The following VDAC2 variants were observed in gnomAD, a reference collection of about 807,000 sequenced individuals.
VDAC2 encodes voltage dependent anion channel 2, also known as non-selective voltage-gated ion channel VDAC2.
VDAC2 carries 6 observed loss-of-function variants against 36.6 expected under a neutral mutation model. The ratio of observed to expected loss-of-function variants is 0.16; its 90% CI spans 0.09 to 0.32. The LOEUF is 0.32. VDAC2 is among the 10% of genes least tolerant of loss of function. The pLI is 1.00. For synonymous variants in VDAC2, 109 were observed against 123.8 expected (o/e 0.88, Z 0.79); for missense variants, 247 against 346.0 (o/e 0.71, Z 2.27).
At chr10:75,216,531 C>T (rs1321712979) in intron 4 of VDAC2, among the ~76,000 whole-genome samples, 1 of 152,216 alleles carries the variant, frequency 6.6e-6, no homozygotes, top group Admixed American at 6.5e-5. Context: ...AGATAAGTCC[C>T]ATTAATACCT....
At chr10:75,218,012 T>G (rs949191958) in intron 4 of VDAC2, 1 of 1,161,600 alleles carries the variant, frequency 8.6e-7, no homozygotes, top group Non-Finnish European at 1.1e-6. Flanking sequence ...CACTTGAGCC[T>G]GGGAGGTTGA....
intron 8 of VDAC2, among the ~76,000 whole-genome samples, chr10:75,226,450 G>A (rs528206598): frequency 1.6e-5 from 2 of 128,426 alleles, no homozygotes; most frequent in Non-Finnish European, 3.1e-5. Context: ...GTCTTTTGTG[G>A]GTTTTTTTTT....
At chr10:75,211,781 GGGTGTT>G in intron 2 of VDAC2, 1 of 1,268,490 alleles carries the variant, frequency 7.9e-7, no homozygotes, top group South Asian at 1.4e-5. Flanking sequence ...TCCCACTCCA[GGGTGTT>G]GGTTTTCCCC....
intron 2 of VDAC2, chr10:75,211,519 C>G: frequency 6.5e-7 from 1 of 1,545,298 alleles, no homozygotes; most frequent in Non-Finnish European, 8.7e-7. Flanking sequence ...AGTAGCAGTC[C>G]CTCTTGTGAG....
intron 8 of VDAC2, among the ~76,000 whole-genome samples, chr10:75,226,859 G>A (rs1009764670): frequency 2.6e-4 from 39 of 152,186 alleles, no homozygotes; most frequent in Non-Finnish European, 2.9e-5. Flanking sequence ...ATGGTAGGGG[G>A]TGCTGGTTGC....
chr10:75,211,123 C>G lies in VDAC2; in HGVS notation c.-25-11C>G, dbSNP rs1181834241. 1.2e-6 allele frequency: 2 copies of G among 1,604,244 alleles called. No homozygotes were observed. ...GACCCCAGCTTACCGCACTTCTTGT[C>G]CCTCCCGCAGATTCCCCTCTTCCCG... On this transcript the variant is annotated splice_polypyrimidine_tract_variant and intron_variant, in intron 1 of 9. Coordinates refer to ENST00000332211, the MANE Select transcript of VDAC2 (RefSeq NM_001391963.1).
chr10:75,223,277 C>T (rs983444472), intron 8 of VDAC2, among the ~76,000 whole-genome samples: 1 of 152,120 alleles, frequency 6.6e-6, no homozygotes, highest in Non-Finnish European at 1.5e-5. Context: ...CACAGCTGGC[C>T]GCCTTCTCCA....
chr10:75,218,779 A>C (rs998193373), intron 4 of VDAC2, among the ~76,000 whole-genome samples: 4 of 151,918 alleles, frequency 2.6e-5, no homozygotes, highest in Admixed American at 2.0e-4. Flanking sequence ...AAAAAGGTGT[A>C]CAGTTTGTTC....
At chr10:75,226,455 T>G (rs376377717) in intron 8 of VDAC2, among the ~76,000 whole-genome samples, 9 of 142,438 alleles carry the variant, frequency 6.3e-5, no homozygotes, top group African/African-American at 2.3e-4. Context: ...TTGTGGGTTT[T>G]TTTTTTTTTT....
chr10:75,219,459 TGTG>T, intron 6 of VDAC2, 103 bp downstream of exon 6: 2 of 952,726 alleles, frequency 2.1e-6, no homozygotes, highest in Non-Finnish European at 3.1e-6. Context: ...TAAGCTACCT[TGTG>T]GTGGTGAAAT....
At chr10:75,228,157 G>C (rs1482061890) in intron 8 of VDAC2, among the ~76,000 whole-genome samples, 1 of 152,060 alleles carries the variant, frequency 6.6e-6, no homozygotes, top group Admixed American at 6.5e-5. Flanking sequence ...GCCTCCCAAA[G>C]TGCTGGGATT....
intron 7 of VDAC2, among the ~76,000 whole-genome samples, chr10:75,221,965 A>G (rs1841826422): frequency 6.6e-6 from 1 of 152,242 alleles, no homozygotes; most frequent in Admixed American, 6.5e-5. Flanking sequence ...GTGTGTATAT[A>G]TACTTATATA....
At chr10:75,217,694 G>A (rs1841649248) in intron 4 of VDAC2, among the ~76,000 whole-genome samples, 2 of 152,144 alleles carry the variant, frequency 1.3e-5, no homozygotes, top group African/African-American at 4.8e-5. Flanking sequence ...GTGCTTTTTA[G>A]TATAGGTATT....
intron 8 of VDAC2, among the ~76,000 whole-genome samples, chr10:75,223,147 A>AT (rs1202033900): frequency 6.6e-5 from 10 of 151,346 alleles, no homozygotes; most frequent in African/African-American, 1.9e-4. Flanking sequence ...CACCTGGCTA[A>AT]TTTTTTTGTA....
chr10:75,217,566 C>T (rs1316162505), intron 4 of VDAC2, among the ~76,000 whole-genome samples: 5 of 152,118 alleles, frequency 3.3e-5, no homozygotes, highest in Admixed American at 1.3e-4. Context: ...TTAGTAGAGA[C>T]GGGGTTTCAC....
At chr10:75,225,081 TTGA>T (rs1375634618) in intron 8 of VDAC2, among the ~76,000 whole-genome samples, 4 of 152,212 alleles carry the variant, frequency 2.6e-5, no homozygotes, top group Non-Finnish European at 5.9e-5. Flanking sequence ...ATAATACTGA[TTGA>T]TGATTATATG....
intron 3 of VDAC2, among the ~76,000 whole-genome samples, chr10:75,213,405 C>G (rs1399842560): frequency 6.6e-6 from 1 of 152,134 alleles, no homozygotes; most frequent in Non-Finnish European, 1.5e-5. Context: ...ATTAGCTATT[C>G]TGAAATTTCA....
At chr10:75,221,176 C>T (rs914523817) in intron 7 of VDAC2, 4 of 548,942 alleles carry the variant, frequency 7.3e-6, no homozygotes, top group Non-Finnish European at 9.6e-6. Flanking sequence ...AGTAAATGTT[C>T]ATTTTATATG....
chr10:75,218,047 C>A, intron 4 of VDAC2: 2 of 682,336 alleles, frequency 2.9e-6, no homozygotes, highest in Non-Finnish European at 4.4e-6. Context: ...GTGATCACAT[C>A]ATTGTGTTCC....
Sources: gnomAD v4.1 joint callset for allele counts (sites outside exome capture counted in the v4.1 genomes callset) on GRCh38, gnomAD v4.1.1 for gene constraint, MANE v1.5 for transcripts, NCBI Gene and HGNC (gene_info 2026-07-23, HGNC 2026-07-21) for gene names.